The following CCDC192 variants were observed in gnomAD, a reference collection of about 807,000 sequenced individuals.
The protein encoded by CCDC192 is coiled-coil domain-containing protein 192.
At chr5:127,814,944 A>G (rs1748926888) in intron 5 of CCDC192, among the ~76,000 whole-genome samples, 1 of 152,078 alleles carries the variant, frequency 6.6e-6, no homozygotes, top group East Asian at 1.9e-4. Context: ...GTTTTCTCTG[A>G]TGGGTTTTTT....
Position 127,790,072 on chromosome 5 carries a change from G to A in CCDC192, c.223-7031G>A, listed in dbSNP as rs578044863. ...CCCTGCTCAACCTAGCCACAGCATG[G>A]ATGGATCTCTGCCAAGCTGTGGGGG... On this transcript the variant is annotated intron_variant, in intron 3 of 6. Coordinates refer to ENST00000514853, the MANE Select transcript of CCDC192 (RefSeq NM_001317938.2). Among the ~76,000 whole-genome samples, 14 of 152,350 alleles carry A rather than the reference G, an allele frequency of 9.2e-5. No homozygotes were observed. In the South Asian group the frequency reaches 2.9e-3, roughly 32 times the overall value.
intron 2 of CCDC192, among the ~76,000 whole-genome samples, chr5:127,708,687 GAT>G (rs1164480540): frequency 6.6e-6 from 1 of 152,110 alleles, no homozygotes; most frequent in African/African-American, 2.4e-5. Flanking sequence ...GTAGAATAAA[GAT>G]AATGGACTTA....
intron 1 of CCDC192, among the ~76,000 whole-genome samples, chr5:127,705,644 G>A (rs1191808254): frequency 6.6e-6 from 1 of 152,114 alleles, no homozygotes; most frequent in African/African-American, 2.4e-5. Context: ...CTGACTGGTA[G>A]GGTCAGAGGG....
intron 2 of CCDC192, among the ~76,000 whole-genome samples, chr5:127,731,528 A>G (rs767609262): frequency 4.6e-5 from 7 of 152,208 alleles, no homozygotes; most frequent in African/African-American, 7.2e-5. Flanking sequence ...TAGAATTCAT[A>G]CAGAACCAAA....
chr5:127,817,738 GT>G (rs1266457964), intron 5 of CCDC192, among the ~76,000 whole-genome samples: 1 of 152,006 alleles, frequency 6.6e-6, no homozygotes, highest in Non-Finnish European at 1.5e-5. Flanking sequence ...TTGCTGAATT[GT>G]ACACTTTAAA....
chr5:127,800,325 T>C (rs900009801), intron 5 of CCDC192, among the ~76,000 whole-genome samples: 1 of 125,112 alleles, frequency 8.0e-6, no homozygotes, highest in Non-Finnish European at 1.6e-5. Flanking sequence ...GAGCACTTCT[T>C]AGAACATTGT....
intron 2 of CCDC192, among the ~76,000 whole-genome samples, chr5:127,735,403 A>C (rs1166007860): frequency 1.1e-4 from 16 of 148,556 alleles, no homozygotes; most frequent in African/African-American, 3.3e-4. Context: ...ATTGTCTTGG[A>C]AATGTGGGCT....
In CCDC192 at chr5:127,890,531, G is replaced by A. The variant is rs577878065; in HGVS notation, c.535+14870G>A. Among the ~76,000 whole-genome samples the A allele has an allele frequency of 4.6e-5, 7 of 150,632 alleles. No individual in the cohort carries two copies. In the South Asian group the frequency reaches 1.5e-3, roughly 32 times the overall value. On this transcript the variant is annotated intron_variant, in intron 6 of 6. Transcript: ENST00000514853. ...GTCCACTGTTGCTTACCTTCATCTA[G>A]CCATCTAGAGCTTCGTTATCTAATC...
intron 5 of CCDC192, among the ~76,000 whole-genome samples, chr5:127,822,500 T>A (rs910147584): frequency 6.6e-6 from 1 of 152,108 alleles, no homozygotes; most frequent in Non-Finnish European, 1.5e-5. Context: ...TGTAAATATA[T>A]GAAATATCAG....
intron 5 of CCDC192, among the ~76,000 whole-genome samples, chr5:127,843,306 G>C (rs986221838): frequency 1.3e-5 from 2 of 151,808 alleles, no homozygotes; most frequent in African/African-American, 4.8e-5. Flanking sequence ...CCAAAGTGCT[G>C]GGATTACAGG....
intron 2 of CCDC192, among the ~76,000 whole-genome samples, chr5:127,752,964 G>C: frequency 6.6e-6 from 1 of 152,204 alleles, no homozygotes; most frequent in African/African-American, 2.4e-5. Context: ...GCCTCGCCCT[G>C]CTTTGGGTCG....
chr5:127,705,191 C>A (rs1750894885), intron 1 of CCDC192, among the ~76,000 whole-genome samples: 1 of 152,132 alleles, frequency 6.6e-6, no homozygotes, highest in East Asian at 1.9e-4. Flanking sequence ...TTTCTTCCCC[C>A]CTTAATTATT....
At chr5:127,919,841 C>T (rs1753657859) in intron 6 of CCDC192, among the ~76,000 whole-genome samples, 1 of 152,206 alleles carries the variant, frequency 6.6e-6, no homozygotes, top group Admixed American at 6.5e-5. Flanking sequence ...CCCTCTGTCC[C>T]TCTATCTGCT....
At chr5:127,938,184 C>T (rs185356167) in intron 6 of CCDC192, among the ~76,000 whole-genome samples, 89 of 152,330 alleles carry the variant, frequency 5.8e-4, no homozygotes, top group African/African-American at 2.0e-3. Flanking sequence ...AGAAACATTA[C>T]TGTCAGTCAC....
intron 5 of CCDC192, among the ~76,000 whole-genome samples, chr5:127,800,129 T>C (rs1440190812): frequency 6.6e-6 from 1 of 151,982 alleles, no homozygotes; most frequent in Non-Finnish European, 1.5e-5. Flanking sequence ...TATGTGCCAT[T>C]TGAGGTATCA....
chr5:127,878,352 C>G (rs1752190569), intron 6 of CCDC192, among the ~76,000 whole-genome samples: 1 of 152,198 alleles, frequency 6.6e-6, no homozygotes, highest in African/African-American at 2.4e-5. Flanking sequence ...CATGTCCCCA[C>G]CACTGGGTGG....
chr5:127,852,171 C>T (rs1032460714), intron 5 of CCDC192, among the ~76,000 whole-genome samples: 2 of 152,202 alleles, frequency 1.3e-5, no homozygotes, highest in African/African-American at 2.4e-5. Context: ...TCCTTGACTT[C>T]CCCTTCAATT....
intron 6 of CCDC192, among the ~76,000 whole-genome samples, chr5:127,910,799 C>A (rs1414800317): frequency 1.3e-5 from 2 of 152,130 alleles, no homozygotes; most frequent in African/African-American, 4.8e-5. Context: ...CAAAGTATAA[C>A]CCATGGGGAA....
At chr5:127,858,707 A>G (rs1483781684) in intron 5 of CCDC192, among the ~76,000 whole-genome samples, 2 of 152,224 alleles carry the variant, frequency 1.3e-5, no homozygotes, top group Non-Finnish European at 2.9e-5. Context: ...CAGTCATAGC[A>G]CCAACTTACA....
Sources: gnomAD v4.1 joint callset for allele counts (sites outside exome capture counted in the v4.1 genomes callset) on GRCh38, gnomAD v4.1.1 for gene constraint, MANE v1.5 for transcripts, NCBI Gene and HGNC (gene_info 2026-07-23, HGNC 2026-07-21) for gene names.